The following CATSPERE variants were observed in gnomAD, a reference collection of about 807,000 sequenced individuals.
CATSPERE encodes the protein cation channel sperm-associated auxiliary subunit epsilon.
Under a neutral mutation model 114.1 loss-of-function variants are expected in CATSPERE, and 93 were observed. That is an observed-to-expected ratio of 0.81 (90% confidence interval 0.69 to 0.97). The LOEUF is 0.97. CATSPERE is among the 50% of genes least tolerant of loss of function. CATSPERE has a pLI of 0.00. For synonymous variants in CATSPERE, 341 were observed against 384.1 expected (o/e 0.89, Z 1.31); for missense variants, 1,058 against 1,131.6 (o/e 0.93, Z 0.93).
chr1:244,507,318 T>C (rs893209791), intron 7 of CATSPERE, among the ~76,000 whole-genome samples: 7 of 152,216 alleles, frequency 4.6e-5, no homozygotes, highest in African/African-American at 1.7e-4. Flanking sequence ...TTTAGTTTTT[T>C]GAAAAATTTC....
chr1:244,636,950 A>C (rs951609434), intron 21 of CATSPERE, among the ~76,000 whole-genome samples: 2 of 152,000 alleles, frequency 1.3e-5, no homozygotes, highest in African/African-American at 4.8e-5. Context: ...CAGTGTCTCC[A>C]TTCTGCTCTC....
At chr1:244,510,835 CTTTTTTTTTTT>C (rs747921082) in intron 7 of CATSPERE, among the ~76,000 whole-genome samples, 3 of 48,342 alleles carry the variant, frequency 6.2e-5, no homozygotes, top group African/African-American at 2.1e-4. Context: ...TTTTCTTTTT[CTTTTTTTTTTT>C]TTTTTTTTTT....
At chr1:244,606,102 T>G (rs1669960522) in intron 18 of CATSPERE, among the ~76,000 whole-genome samples, 1 of 152,198 alleles carries the variant, frequency 6.6e-6, no homozygotes, top group African/African-American at 2.4e-5. Context: ...GCCTTTGGCT[T>G]TAGGACATTT....
intron 6 of CATSPERE, among the ~76,000 whole-genome samples, chr1:244,490,750 T>A (rs1051217214): frequency 4.6e-5 from 7 of 152,156 alleles, no homozygotes; most frequent in Non-Finnish European, 8.8e-5. Context: ...TATCCAGCTG[T>A]CTTTTATTAA....
intron 8 of CATSPERE, among the ~76,000 whole-genome samples, chr1:244,527,894 T>A (rs949489324): frequency 6.6e-6 from 1 of 152,174 alleles, no homozygotes; most frequent in African/African-American, 2.4e-5. Context: ...TGTGTCACCA[T>A]GCCTGGCCAA....
chr1:244,591,659 C>A (rs41269387), intron 14 of CATSPERE, 22 bp from the exon 15 acceptor site: 136,642 of 1,380,710 alleles, frequency 0.099, 9,513 homozygotes, highest in East Asian at 0.36. Context: ...ATTTCAACTT[C>A]ATTATGTTTT....
At chr1:244,506,181 T>C (rs1387683729) in intron 7 of CATSPERE, among the ~76,000 whole-genome samples, 1 of 152,200 alleles carries the variant, frequency 6.6e-6, no homozygotes, top group Non-Finnish European at 1.5e-5. Flanking sequence ...GCATAATGTC[T>C]TCAAGGTTCA....
At chr1:244,520,050 C>T (rs1677264572) in intron 8 of CATSPERE, among the ~76,000 whole-genome samples, 1 of 152,128 alleles carries the variant, frequency 6.6e-6, no homozygotes, top group South Asian at 2.1e-4. Context: ...CTTTATCAAA[C>T]ATGATTTACA....
At chr1:244,520,879 T>C (rs1438869082) in intron 8 of CATSPERE, among the ~76,000 whole-genome samples, 1 of 152,224 alleles carries the variant, frequency 6.6e-6, no homozygotes, top group Non-Finnish European at 1.5e-5. Flanking sequence ...GAAACAATTA[T>C]TATTTAACAA....
intron 17 of CATSPERE, among the ~76,000 whole-genome samples, chr1:244,598,993 T>A (rs1668807283): frequency 6.6e-6 from 1 of 152,126 alleles, no homozygotes. Flanking sequence ...TGCCTAACTC[T>A]CCATGTCATA....
chr1:244,470,027 CCA>C lies in CATSPERE; in HGVS notation c.114+6075_114+6076del, dbSNP rs140868293. ...AAATGAATGTGGACCCCACCTCAGACCACACCCAAAATTATAACTCTGAATGG... is the reference window on the plus strand; with the variant it reads ...AAATGAATGTGGACCCCACCTCAGACCACCCAAAATTATAACTCTGAATGG... On this transcript the variant is annotated intron_variant, in intron 2 of 21. Transcript: ENST00000366534. Among the ~76,000 whole-genome samples the C allele has an allele frequency of 3.7e-3, 558 of 152,062 alleles. 4 individuals are homozygous for C. Among genetic ancestry groups the C allele is most frequent in the African/African-American group, 0.012 (509 of 41,470 alleles).
chr1:244,615,889 G>A (rs912012228), intron 19 of CATSPERE, among the ~76,000 whole-genome samples: 1 of 150,578 alleles, frequency 6.6e-6, no homozygotes, highest in African/African-American at 2.4e-5. Context: ...TGAGGAGGGA[G>A]GATTGCTTAA....
intron 15 of CATSPERE, 70 bp downstream of exon 15, chr1:244,591,801 T>G: frequency 2.2e-6 from 2 of 929,116 alleles, no homozygotes; most frequent in Non-Finnish European, 3.4e-6. Context: ...AATCAGTACT[T>G]ATTCAGTGGA....
chr1:244,597,722 G>A (rs1170044957), intron 17 of CATSPERE, among the ~76,000 whole-genome samples: 1 of 152,126 alleles, frequency 6.6e-6, no homozygotes, highest in Non-Finnish European at 1.5e-5. Context: ...GCGGTTTAAT[G>A]ACAATCGTAA....
intron 9 of CATSPERE, among the ~76,000 whole-genome samples, chr1:244,558,798 T>C (rs1274132945): frequency 2.0e-5 from 3 of 152,160 alleles, no homozygotes; most frequent in Non-Finnish European, 4.4e-5. Context: ...CCTCTCCTTC[T>C]GTCTCCTATT....
intron 8 of CATSPERE, among the ~76,000 whole-genome samples, chr1:244,521,963 C>T (rs1677646924): frequency 6.6e-6 from 1 of 152,128 alleles, no homozygotes; most frequent in Admixed American, 6.5e-5. Context: ...AGGAATTGAA[C>T]TCAGCTCTGC....
At chr1:244,519,151 G>A (rs987468678) in intron 8 of CATSPERE, among the ~76,000 whole-genome samples, 7 of 152,114 alleles carry the variant, frequency 4.6e-5, no homozygotes, top group African/African-American at 1.7e-4. Flanking sequence ...ACAGGGCAAG[G>A]TGCTTTTAAC....
intron 7 of CATSPERE, among the ~76,000 whole-genome samples, chr1:244,509,540 T>C (rs1219731368): frequency 3.9e-5 from 6 of 152,170 alleles, no homozygotes; most frequent in African/African-American, 4.8e-5. Context: ...TAGTTTGTTG[T>C]TGTTGTTGTG....
chr1:244,459,954 G>C (rs192628748), upstream of CATSPERE, among the ~76,000 whole-genome samples: 41 of 152,330 alleles, frequency 2.7e-4, no homozygotes, highest in African/African-American at 9.9e-4. Context: ...GCAGGAAGAA[G>C]CCAGAGCTAT....
Sources: allele counts gnomAD v4.1 joint callset (sites outside exome capture counted in the v4.1 genomes callset), GRCh38; gene constraint gnomAD v4.1.1; transcripts MANE v1.5; gene names NCBI Gene and HGNC (gene_info 2026-07-23, HGNC 2026-07-21).